EYS: variants seen among roughly 807,000 people sequenced by gnomAD.
EYS encodes the protein EGF-like photoreceptor maintenance factor, also known as protein eyes shut homolog.
Under a neutral mutation model 282.1 loss-of-function variants are expected in EYS, and 250 were observed. The observed-to-expected ratio is 0.89, with a 90% confidence interval of 0.80 to 0.98. EYS has a LOEUF of 0.98. EYS is among the 50% of genes least tolerant of loss of function. The pLI, the probability that EYS is intolerant of heterozygous loss-of-function variation, is 0.00. For missense variants in EYS, 4,016 were observed against 3,709.0 expected (o/e 1.08, Z -2.15); for synonymous variants, 1,355 against 1,282.9 (o/e 1.06, Z -1.20).
chr6:64,661,995 A>C (rs1042585199), intron 22 of EYS, among the ~76,000 whole-genome samples: 36 of 152,014 alleles, frequency 2.4e-4, no homozygotes, highest in African/African-American at 8.2e-4. Context: ...AATGTCCAAC[A>C]ATGATAGACT....
At chr6:65,331,398 G>C in intron 11 of EYS, 8 of 778,060 alleles carry the variant, frequency 1.0e-5, no homozygotes, top group Non-Finnish European at 1.2e-5. Context: ...TAAACATTTT[G>C]CATATCTTTT....
chr6:63,790,859 G>T (rs1770492045), intron 37 of EYS, among the ~76,000 whole-genome samples: 1 of 152,186 alleles, frequency 6.6e-6, no homozygotes, highest in African/African-American at 2.4e-5. Context: ...TTATGGGAGT[G>T]GAGCCAGTAT....
intron 12 of EYS, among the ~76,000 whole-genome samples, chr6:65,277,889 T>C (rs1768092813): frequency 6.6e-6 from 1 of 152,034 alleles, no homozygotes; most frequent in African/African-American, 2.4e-5. Flanking sequence ...CTTACAATGT[T>C]TATTTGTCAA....
intron 22 of EYS, among the ~76,000 whole-genome samples, chr6:64,801,754 A>T (rs1764236709): frequency 6.6e-6 from 1 of 152,160 alleles, no homozygotes; most frequent in Admixed American, 6.5e-5. Flanking sequence ...ATTTTATTCT[A>T]ATTATTTCAT....
At chr6:65,406,814 C>A (rs982527332) in intron 5 of EYS, among the ~76,000 whole-genome samples, 1 of 151,934 alleles carries the variant, frequency 6.6e-6, no homozygotes, top group Non-Finnish European at 1.5e-5. Flanking sequence ...GATTTATATG[C>A]CTTTTTATGT....
intron 15 of EYS, among the ~76,000 whole-genome samples, chr6:64,935,191 AT>A (rs1345070519): frequency 1.3e-5 from 2 of 151,806 alleles, no homozygotes; most frequent in Non-Finnish European, 2.9e-5. Context: ...TCAGAAAAAA[AT>A]ATCTATTTAA....
Position 65,462,988 on chromosome 6 carries a change from A to T in EYS, c.862+27606T>A, listed in dbSNP as rs115359434. Among the ~76,000 whole-genome samples, 304 of 152,188 alleles carry T rather than the reference A, an allele frequency of 2.0e-3. 3 individuals are homozygous for T. Among genetic ancestry groups the T allele is most frequent in the African/African-American group, 7.2e-3 (301 of 41,524 alleles). ...GGAAAATTTCTTTTCTCACATGGATAACTGGAGAAGACATTTAACTGGCTT... is the reference window on the plus strand; with the variant it reads ...GGAAAATTTCTTTTCTCACATGGATTACTGGAGAAGACATTTAACTGGCTT... On this transcript the variant is annotated intron_variant, in intron 5 of 42. Coordinates refer to ENST00000503581, the MANE Select transcript of EYS (RefSeq NM_001142800.2).
At chr6:63,860,333 C>A (rs925506755) in intron 36 of EYS, among the ~76,000 whole-genome samples, 2 of 152,190 alleles carry the variant, frequency 1.3e-5, no homozygotes, top group African/African-American at 4.8e-5. Context: ...ATGTTAAGCT[C>A]TCTTTCTATA....
chr6:65,512,658 T>C (rs917305157), intron 2 of EYS, among the ~76,000 whole-genome samples: 9 of 151,940 alleles, frequency 5.9e-5, no homozygotes, highest in Admixed American at 4.6e-4. Flanking sequence ...CTCAACTACA[T>C]GGAAACTGAA....
intron 5 of EYS, among the ~76,000 whole-genome samples, chr6:65,449,305 TC>T (rs1433000413): frequency 6.6e-6 from 1 of 152,112 alleles, no homozygotes; most frequent in African/African-American, 2.4e-5. Context: ...ATATGACATT[TC>T]CCTTATTGGG....
chr6:64,795,249 A>G (rs79144699), intron 22 of EYS, among the ~76,000 whole-genome samples: 4 of 148,138 alleles, frequency 2.7e-5, no homozygotes, highest in African/African-American at 7.4e-5. Flanking sequence ...AAAAAAAAAA[A>G]GAAGTAGACA....
At chr6:65,152,854 G>A (rs1040194454) in intron 12 of EYS, among the ~76,000 whole-genome samples, 2 of 150,756 alleles carry the variant, frequency 1.3e-5, no homozygotes, top group African/African-American at 4.9e-5. Context: ...TATTTTCATG[G>A]CTTTAGATTT....
At chr6:65,234,552 A>AATTTGAATC (rs1766872600) in intron 12 of EYS, among the ~76,000 whole-genome samples, 1 of 152,146 alleles carries the variant, frequency 6.6e-6, no homozygotes, top group Non-Finnish European at 1.5e-5. Context: ...ACACATTTCC[A>AATTTGAATC]ATTTGAATCA....
intron 31 of EYS, among the ~76,000 whole-genome samples, chr6:64,119,821 T>C (rs1297121666): frequency 6.6e-6 from 1 of 152,208 alleles, no homozygotes; most frequent in South Asian, 2.1e-4. Flanking sequence ...AGGACAACTA[T>C]CCTGGAGAGA....
chr6:65,162,115 G>A (rs1270696671), intron 12 of EYS, among the ~76,000 whole-genome samples: 1 of 151,184 alleles, frequency 6.6e-6, no homozygotes, highest in East Asian at 2.0e-4. Flanking sequence ...ATGGACTTTG[G>A]AGTCTGGCAA....
At chr6:64,190,860 ACTAC>A (rs763102812) in intron 31 of EYS, among the ~76,000 whole-genome samples, 8 of 152,180 alleles carry the variant, frequency 5.3e-5, no homozygotes, top group Non-Finnish European at 8.8e-5. Flanking sequence ...CATTTTTGTA[ACTAC>A]CTATTATGTC....
intron 2 of EYS, among the ~76,000 whole-genome samples, chr6:65,594,437 A>C (rs1338966032): frequency 6.6e-6 from 1 of 152,070 alleles, no homozygotes; most frequent in Non-Finnish European, 1.5e-5. Context: ...ATTGAATTAA[A>C]TTGAATTTGT....
At chr6:64,725,734 CA>C in intron 22 of EYS, among the ~76,000 whole-genome samples, 1 of 152,056 alleles carries the variant, frequency 6.6e-6, no homozygotes, top group South Asian at 2.1e-4. Flanking sequence ...GATTCTACTT[CA>C]TCCTCAACGT....
intron 35 of EYS, among the ~76,000 whole-genome samples, chr6:63,899,177 C>A (rs1389968760): frequency 6.6e-6 from 1 of 152,146 alleles, no homozygotes; most frequent in Non-Finnish European, 1.5e-5. Flanking sequence ...GTACCTTTAA[C>A]CTCTAAACAT....
Sources: gnomAD v4.1 joint callset for allele counts (sites outside exome capture counted in the v4.1 genomes callset) on GRCh38, gnomAD v4.1.1 for gene constraint, MANE v1.5 for transcripts, NCBI Gene and HGNC (gene_info 2026-07-23, HGNC 2026-07-21) for gene names.